STXBP5L: variants seen among roughly 807,000 people sequenced by gnomAD.
STXBP5L encodes the protein syntaxin binding protein 5L, also known as syntaxin-binding protein 5-like.
Under a neutral mutation model 144.5 loss-of-function variants are expected in STXBP5L, and 65 were observed. That is an observed-to-expected ratio of 0.45 (90% CI 0.37 to 0.55). The LOEUF is 0.55. Ranked by LOEUF, STXBP5L falls within the 20% of genes least tolerant of loss-of-function variation. The pLI is 0.00. For synonymous variants in STXBP5L, 505 were observed against 469.6 expected (o/e 1.08, Z -0.97); for missense variants, 1,298 against 1,405.5 (o/e 0.92, Z 1.22).
intron 5 of STXBP5L, among the ~76,000 whole-genome samples, chr3:121,045,912 A>G (rs1376139590): frequency 6.6e-6 from 1 of 152,134 alleles, no homozygotes; most frequent in Non-Finnish European, 1.5e-5. Context: ...TTGACTAGGA[A>G]TGGTGAGAGA....
At chr3:121,250,294 A>G (rs2049989506) in intron 14 of STXBP5L, among the ~76,000 whole-genome samples, 1 of 151,588 alleles carries the variant, frequency 6.6e-6, no homozygotes, top group South Asian at 2.1e-4. Flanking sequence ...TAATGATGCA[A>G]CTCTAGATAT....
intron 20 of STXBP5L, among the ~76,000 whole-genome samples, chr3:121,349,225 C>T (rs2045157591): frequency 6.6e-6 from 1 of 152,094 alleles, no homozygotes; most frequent in Non-Finnish European, 1.5e-5. Context: ...ACCCAGTAGT[C>T]ATTCAGGAGC....
At chr3:121,300,802 G>C (rs1027985794) in intron 19 of STXBP5L, among the ~76,000 whole-genome samples, 1 of 151,616 alleles carries the variant, frequency 6.6e-6, no homozygotes, top group Non-Finnish European at 1.5e-5. Flanking sequence ...CCCCATCAAA[G>C]ATTATATTAA....
intron 19 of STXBP5L, among the ~76,000 whole-genome samples, chr3:121,316,312 A>T (rs2043787307): frequency 6.6e-6 from 1 of 152,218 alleles, no homozygotes; most frequent in Admixed American, 6.5e-5. Flanking sequence ...ATTCAGAAGG[A>T]GCTAGGGAAA....
chr3:121,059,898 A>T (rs1405200438), intron 5 of STXBP5L, among the ~76,000 whole-genome samples: 2 of 152,212 alleles, frequency 1.3e-5, no homozygotes, highest in African/African-American at 4.8e-5. Context: ...TTCTAAATAT[A>T]TAATCATGTC....
chr3:121,046,875 G>C (rs920467629), intron 5 of STXBP5L, among the ~76,000 whole-genome samples: 7 of 151,820 alleles, frequency 4.6e-5, no homozygotes, highest in Admixed American at 3.3e-4. Context: ...TCTGATTTTA[G>C]TTATTTCTTG....
At chr3:120,940,045 A>T (rs528201682) in intron 2 of STXBP5L, among the ~76,000 whole-genome samples, 9 of 152,106 alleles carry the variant, frequency 5.9e-5, no homozygotes, top group East Asian at 1.9e-4. Context: ...CATTTTTTTT[A>T]AAAGTGGTTT....
chr3:121,199,622 C>G lies in STXBP5L; in HGVS notation c.878-6301C>G, dbSNP rs559771297. On this transcript the variant is annotated intron_variant, in intron 9 of 26. Coordinates refer to ENST00000471454, the MANE Select transcript of STXBP5L (RefSeq NM_001308330.2). ...AGTATGATATTGGCTGTGGGTTTTT[C>G]ATAAATAGCTTTTATTATTTTTACA... is the stretch of plus-strand genomic sequence containing the variant. Among the ~76,000 whole-genome samples, 285 of 152,286 alleles carry G rather than the reference C, an allele frequency of 1.9e-3. 5 individuals are homozygous for G. The South Asian group carries it at 0.02, about 10-fold the overall frequency.
At chr3:121,256,215 G>A (rs2050201841) in intron 16 of STXBP5L, among the ~76,000 whole-genome samples, 1 of 151,968 alleles carries the variant, frequency 6.6e-6, no homozygotes, top group Admixed American at 6.6e-5. Flanking sequence ...TTATAATAGT[G>A]TCCTTACTGT....
chr3:121,039,443 T>A (rs1388487601), intron 3 of STXBP5L, among the ~76,000 whole-genome samples: 2 of 151,898 alleles, frequency 1.3e-5, no homozygotes, highest in Non-Finnish European at 2.9e-5. Context: ...AAACCACAAA[T>A]GTACTATTAT....
chr3:121,289,115 C>T (rs2051330392), intron 19 of STXBP5L, among the ~76,000 whole-genome samples: 1 of 152,072 alleles, frequency 6.6e-6, no homozygotes, highest in Admixed American at 6.6e-5. Context: ...AAGAGACTCC[C>T]CCAACACATA....
chr3:121,056,367 A>C (rs188386258), intron 5 of STXBP5L, among the ~76,000 whole-genome samples: 176 of 152,160 alleles, frequency 1.2e-3, no homozygotes, highest in African/African-American at 4.1e-3. Flanking sequence ...CAGACCCTTA[A>C]ATTATCTGTA....
At chr3:121,399,695 C>A (rs764550905) in intron 22 of STXBP5L, among the ~76,000 whole-genome samples, 1 of 152,198 alleles carries the variant, frequency 6.6e-6, no homozygotes, top group Non-Finnish European at 1.5e-5. Context: ...CTTAAGAATA[C>A]CTTTAAGCAG....
At chr3:121,011,884 G>A (rs909675321) in intron 3 of STXBP5L, among the ~76,000 whole-genome samples, 4 of 151,690 alleles carry the variant, frequency 2.6e-5, no homozygotes, top group Non-Finnish European at 5.9e-5. Context: ...ACGGGGTTGT[G>A]CAATAATTAC....
At chr3:121,286,115 A>C (rs1186568296) in intron 19 of STXBP5L, among the ~76,000 whole-genome samples, 1 of 152,194 alleles carries the variant, frequency 6.6e-6, no homozygotes, top group Non-Finnish European at 1.5e-5. Flanking sequence ...AATTGTCTAC[A>C]TTGCTTGTGC....
At chr3:121,388,608 G>C (rs1264898495) in intron 22 of STXBP5L, among the ~76,000 whole-genome samples, 1 of 152,160 alleles carries the variant, frequency 6.6e-6, no homozygotes, top group Non-Finnish European at 1.5e-5. Context: ...CTGAAGAGCT[G>C]TTGAATTTTG....
intron 7 of STXBP5L, among the ~76,000 whole-genome samples, chr3:121,142,625 G>A (rs1001169424): frequency 6.6e-6 from 1 of 151,730 alleles, no homozygotes; most frequent in African/African-American, 2.4e-5. Context: ...TAAATATATA[G>A]AAATTAAACA....
intron 7 of STXBP5L, among the ~76,000 whole-genome samples, chr3:121,140,505 A>G (rs2045451035): frequency 6.6e-6 from 1 of 152,192 alleles, no homozygotes; most frequent in Admixed American, 6.6e-5. Flanking sequence ...ATCATTGGAT[A>G]AATAGATAAA....
intron 5 of STXBP5L, among the ~76,000 whole-genome samples, chr3:121,050,815 T>C (rs1405127460): frequency 6.6e-6 from 1 of 152,086 alleles, no homozygotes; most frequent in Non-Finnish European, 1.5e-5. Flanking sequence ...TCAAGACCTA[T>C]CAGTGTGCTG....
Sources: allele counts gnomAD v4.1 joint callset (sites outside exome capture counted in the v4.1 genomes callset), GRCh38; gene constraint gnomAD v4.1.1; transcripts MANE v1.5; gene names NCBI Gene and HGNC (gene_info 2026-07-23, HGNC 2026-07-21).